Variants in C19orf44 observed in about 807,000 individuals in gnomAD.
C19orf44 encodes the protein chromosome 19 open reading frame 44.
A neutral mutation model predicts 50.7 loss-of-function variants in C19orf44; 43 were observed. That is an observed-to-expected ratio of 0.85 (90% CI 0.66 to 1.09). The LOEUF (loss-of-function observed/expected upper bound fraction) is 1.09. Ranked by LOEUF, C19orf44 falls within the 50% of genes least tolerant of loss-of-function variation. C19orf44 has a pLI of 0.00. For missense variants in C19orf44, 722 were observed against 836.2 expected (o/e 0.86, Z 1.68); for synonymous variants, 298 against 334.7 (o/e 0.89, Z 1.20).
At chr19:16,498,627 T>C (rs1203187358) in intron 1 of C19orf44, among the ~76,000 whole-genome samples, 1 of 151,886 alleles carries the variant, frequency 6.6e-6, no homozygotes, top group Non-Finnish European at 1.5e-5. Flanking sequence ...GTATTTTTGA[T>C]TATAGCCATG....
chr19:16,507,560 C>T (rs530416440), intron 4 of C19orf44, among the ~76,000 whole-genome samples: 3 of 147,542 alleles, frequency 2.0e-5, no homozygotes, highest in South Asian at 2.1e-4. Context: ...GGCTCGATCT[C>T]GGCTCACTGC....
intron 1 of C19orf44, among the ~76,000 whole-genome samples, chr19:16,498,663 T>TAGGGGATGTGAA (rs1364283677): frequency 1.3e-5 from 2 of 151,806 alleles, no homozygotes; most frequent in African/African-American, 4.8e-5. Flanking sequence ...TAGTAGCTCC[T>TAGGGGATGTGAA]CATGGTTTTT....
At chr19:16,498,642 G>A (rs8108300) in intron 1 of C19orf44, among the ~76,000 whole-genome samples, 52,752 of 151,680 alleles carry the variant, frequency 0.35, 10,210 homozygotes, top group African/African-American at 0.52. Context: ...GCCATGCTAG[G>A]GGATGTGAAG....
At chr19:16,513,157 C>A (rs766084903) in intron 6 of C19orf44, 48 bp downstream of exon 6, 22 of 1,567,216 alleles carry the variant, frequency 1.4e-5, no homozygotes, top group Middle Eastern at 1.7e-4. Context: ...TTACAGGACT[C>A]ATTTCACCTG....
chr19:16,506,157 A>G (rs1005629492), intron 3 of C19orf44, among the ~76,000 whole-genome samples: 1 of 149,684 alleles, frequency 6.7e-6, no homozygotes, highest in Non-Finnish European at 1.5e-5. Flanking sequence ...TTGTATTTTT[A>G]GTAGAGACAG....
chr19:16,506,159 T>C (rs1325344848), intron 3 of C19orf44, among the ~76,000 whole-genome samples: 1 of 150,530 alleles, frequency 6.6e-6, no homozygotes, highest in African/African-American at 2.5e-5. Flanking sequence ...GTATTTTTAG[T>C]AGAGACAGGG....
chr19:16,512,755 T>A (rs941030131), intron 5 of C19orf44, among the ~76,000 whole-genome samples: 1 of 148,906 alleles, frequency 6.7e-6, no homozygotes, highest in African/African-American at 2.5e-5. Context: ...TAGTCCCAGC[T>A]ACTTGGGAGA....
intron 8 of C19orf44, chr19:16,518,504 C>T (rs1297421274): frequency 6.6e-6 from 1 of 152,220 alleles, no homozygotes; most frequent in East Asian, 1.9e-4. Flanking sequence ...GCCAGTACGC[C>T]TTCGAAGAAT....
Position 16,519,239 on chromosome 19 carries a change from C to A in C19orf44, c.*41-855C>A. 1 of 1,614,094 alleles carries A rather than the reference C, an allele frequency of 6.2e-7. No individual in the cohort carries two copies. The highest frequency in any genetic ancestry group is 8.5e-7 in the Non-Finnish European group (1 of 1,180,034). The stretch of plus-strand genomic sequence containing the variant: ...CTGCGGTAGTTCTCATAGGGGTCAT[C>A]CAGAGCCACGCCCACGCCTTTATAC... On this transcript the variant is annotated intron_variant, in intron 8 of 8. Transcript: ENST00000221671. The surrounding 1 kb of genome is among the most constrained non-coding windows in gnomAD (Gnocchi z 6.0).
At chr19:16,516,043 C>A (rs2093470679) in intron 7 of C19orf44, among the ~76,000 whole-genome samples, 1 of 152,200 alleles carries the variant, frequency 6.6e-6, no homozygotes, top group African/African-American at 2.4e-5. Flanking sequence ...GGTGATCCAC[C>A]TGCCTCGGCC....
chr19:16,519,767 G>T lies in C19orf44; in HGVS notation c.*41-327G>T. 6.8e-7 allele frequency: 1 copy of T among 1,464,468 alleles called. No individual in the cohort carries two copies. Among genetic ancestry groups the T allele is most frequent in the Non-Finnish European group, 9.6e-7 (1 of 1,044,108 alleles). The allele number at this position is 1,464,468 out of a possible 1,614,324, so 90.7% of individuals were successfully genotyped here. A position where few individuals can be genotyped will look rare whatever the true frequency, so the allele number is the denominator to read the frequency against. ...TAAGAAGTAACTGAGACATTTATTG[G>T]AATGACAGTGATGAGGACCTCACAG... On this transcript the variant is annotated intron_variant, in intron 8 of 8. Transcript: ENST00000221671. This position sits in a 1 kb window ranked among gnomAD's most constrained non-coding sequence, Gnocchi z 6.0.
chr19:16,507,749 C>A (rs1378143852), intron 4 of C19orf44, among the ~76,000 whole-genome samples: 1 of 151,790 alleles, frequency 6.6e-6, no homozygotes, highest in East Asian at 1.9e-4. Flanking sequence ...GCCTTGGCCC[C>A]CCAAAGTGCT....
chr19:16,497,369 G>C (rs866844506), intron 1 of C19orf44, among the ~76,000 whole-genome samples: 3 of 19,376 alleles, frequency 1.5e-4, no homozygotes, highest in African/African-American at 6.3e-4. Context: ...TTTTTTTTTT[G>C]AGACAGATTC....
Position 16,496,436 on chromosome 19 carries a change from T to C in C19orf44, c.-31T>C. On this transcript the variant is annotated 5_prime_UTR_variant, in exon 1 of 9. Coordinates refer to ENST00000221671, the MANE Select transcript of C19orf44 (RefSeq NM_032207.4). Reference sequence around the variant, plus strand: ...CTCCTTCAGGCGTGAATGTGGCGGCTGCCTCTGCGAATGGACGGCGTGGGA... The same window carrying C: ...CTCCTTCAGGCGTGAATGTGGCGGCCGCCTCTGCGAATGGACGGCGTGGGA... 2.6e-6 allele frequency: 1 copy of C among 386,430 alleles called. No homozygotes were observed. The highest frequency in any genetic ancestry group is 4.9e-6 in the Non-Finnish European group (1 of 205,678). 23.9% of individuals were successfully genotyped at this position (386,430 alleles called of 1,614,324 possible).
In C19orf44 at chr19:16,520,377, G is replaced by A. The variant is rs764678832; in HGVS notation, c.*324G>A. The A allele has an allele frequency of 3.0e-5, 49 of 1,613,920 alleles. 1 individual carries two copies. In the East Asian group the frequency reaches 6.5e-4, roughly 21 times the overall value. On this transcript the variant is annotated 3_prime_UTR_variant, in exon 9 of 9. Coordinates refer to ENST00000221671, the MANE Select transcript of C19orf44 (RefSeq NM_032207.4). This position sits in a 1 kb window ranked among gnomAD's most constrained non-coding sequence, Gnocchi z 4.0. ...GCCTCTGCCTACCTAGATCTGGAGCGGGAGTAGGAACGGGAGCAGGAGCGC... is the reference window on the plus strand; with the variant it reads ...GCCTCTGCCTACCTAGATCTGGAGCAGGAGTAGGAACGGGAGCAGGAGCGC...
rs1202190840 is a variant in C19orf44 at position 16,503,253 on chromosome 19, C to T, written c.948C>T (p.Ile316=). The T allele has an allele frequency of 1.2e-6, 2 of 1,614,046 alleles. No homozygotes were observed. The highest frequency in any genetic ancestry group is 1.7e-6 in the Non-Finnish European group (2 of 1,180,048). The change falls in exon 3 of 9, where the codon ATC becomes ATT. Residue 316 remains isoleucine, a synonymous_variant. Transcript: ENST00000221671. ...CCTCCCACACGCCGTCAGTTTCCAT[C>T]ACAGGCGCCTTTTCAAACTCAGTGT... ...DTASHTPSVS[I]TGAFSNSVSL... is the part of the protein sequence containing the mutation.
At chr19:16,510,657 C>T (rs2093454611) in intron 5 of C19orf44, among the ~76,000 whole-genome samples, 1 of 152,088 alleles carries the variant, frequency 6.6e-6, no homozygotes, top group African/African-American at 2.4e-5. Context: ...GGGTGCTATT[C>T]CACACCCCGC....
chr19:16,499,801 T>A (rs1029302277), intron 1 of C19orf44, among the ~76,000 whole-genome samples: 4 of 151,896 alleles, frequency 2.6e-5, no homozygotes, highest in African/African-American at 9.7e-5. Context: ...GTTCTTCTTT[T>A]TTTTTTGAGA....
chr19:16,516,345 T>G (rs1487598205), intron 7 of C19orf44, among the ~76,000 whole-genome samples: 1 of 152,118 alleles, frequency 6.6e-6, no homozygotes, highest in African/African-American at 2.4e-5. Flanking sequence ...TCTGGGAGGC[T>G]GAGGTGGGAG....
Sources: allele counts gnomAD v4.1 joint callset (sites outside exome capture counted in the v4.1 genomes callset), GRCh38; gene constraint gnomAD v4.1.1; non-coding constraint Gnocchi (gnomAD v3.1); transcripts MANE v1.5; gene names NCBI Gene and HGNC (gene_info 2026-07-23, HGNC 2026-07-21).